Variants in SOD1 observed in about 807,000 individuals in gnomAD.
SOD1 encodes superoxide dismutase [Cu-Zn].
In SOD1, 8 loss-of-function variants were observed where a neutral mutation model predicts 15.9. That is an observed-to-expected ratio of 0.50 (90% CI 0.30 to 0.91). SOD1 has a LOEUF of 0.91. SOD1 is among the 40% of genes least tolerant of loss of function. The pLI, the probability that SOD1 is intolerant of heterozygous loss-of-function variation, is 0.07. For synonymous variants in SOD1, 86 were observed against 71.2 expected, an observed-to-expected ratio of 1.21 and a Z score of -1.04; for missense variants, 137 against 194.5, an observed-to-expected ratio of 0.70 and a Z score of 1.76.
At chr21:31,665,545 T>C (rs1487468249) in intron 2 of SOD1, among the ~76,000 whole-genome samples, 1 of 152,140 alleles carries the variant, frequency 6.6e-6, no homozygotes, top group Non-Finnish European at 1.5e-5. Flanking sequence ...GTGGGACTCC[T>C]GCGGGTGAGA....
At chr21:31,659,925 C>T in intron 1 of SOD1, 84 bp downstream of exon 1, 10 of 1,420,714 alleles carry the variant, frequency 7.0e-6, no homozygotes, top group South Asian at 7.0e-5. Flanking sequence ...GCGGGTCGCC[C>T]GCCAGGCCTC....
At chr21:31,660,702 G>A (rs1167446524) in intron 1 of SOD1, 1 of 152,204 alleles carries the variant, frequency 6.6e-6, no homozygotes, top group Non-Finnish European at 1.5e-5. Context: ...ACCTGTCCTA[G>A]TGCAGGGTGA....
chr21:31,666,365 G>A (rs1158632276), intron 2 of SOD1, 84 bp from the exon 3 acceptor site: 2 of 1,017,860 alleles, frequency 2.0e-6, no homozygotes, highest in Non-Finnish European at 3.0e-6. Flanking sequence ...TTCTCCATGG[G>A]AAGTTTTAGC....
chr21:31,663,745 T>C, intron 1 of SOD1, 45 bp from the exon 2 acceptor site: 3 of 1,454,824 alleles, frequency 2.1e-6, no homozygotes, highest in Non-Finnish European at 2.9e-6. Context: ...AATCAGCTGT[T>C]TTCTTTGTTC....
intron 1 of SOD1, 73 bp downstream of exon 1, chr21:31,659,914 A>T (rs1300927045): frequency 1.6e-5 from 24 of 1,514,198 alleles, no homozygotes; most frequent in Non-Finnish European, 2.0e-5. Context: ...CTTTGCTAGG[A>T]GCGGGTCGCC....
At chr21:31,662,899 C>T (rs2049560454) in intron 1 of SOD1, among the ~76,000 whole-genome samples, 1 of 151,960 alleles carries the variant, frequency 6.6e-6, no homozygotes, top group African/African-American at 2.4e-5. Flanking sequence ...CCTGTAGTCC[C>T]AGCTACTCAG....
chr21:31,662,211 G>T (rs2049554114), intron 1 of SOD1, among the ~76,000 whole-genome samples: 1 of 152,198 alleles, frequency 6.6e-6, no homozygotes, highest in Admixed American at 6.5e-5. Context: ...CTGTGCTCTT[G>T]ATAACAGAGT....
intron 2 of SOD1, chr21:31,664,258 C>A: frequency 3.5e-6 from 1 of 284,442 alleles, no homozygotes; most frequent in Non-Finnish European, 7.0e-6. Context: ...CATGTGTGAG[C>A]CACTGTGCCT....
rs2049623604 is a variant in SOD1 at position 31,668,823 on chromosome 21, C to T, written c.*245C>T. 10 of 480,924 alleles carry T rather than the reference C, an allele frequency of 2.1e-5. No homozygotes were observed. The highest frequency in any genetic ancestry group is 1.9e-4 in the South Asian group (9 of 46,472). 29.8% of individuals were successfully genotyped at this position (480,924 alleles called of 1,614,324 possible). On this transcript the variant is annotated 3_prime_UTR_variant, in exon 5 of 5. Coordinates refer to ENST00000270142, the MANE Select transcript of SOD1 (RefSeq NM_000454.5). ...CCTGTATTTTGCCAGACTTAAATCA[C>T]AGATGGGTATTAAACTTGTCAGAAT... is the stretch of plus-strand genomic sequence containing the variant.
At chr21:31,662,679 C>A (rs1456585788) in intron 1 of SOD1, among the ~76,000 whole-genome samples, 1 of 152,170 alleles carries the variant, frequency 6.6e-6, no homozygotes, top group Non-Finnish European at 1.5e-5. Flanking sequence ...CAGTCCTCTC[C>A]TGGGGGCAGT....
In SOD1 at chr21:31,667,394, A is replaced by G; in HGVS notation, c.357+19A>G. The G allele has an allele frequency of 6.6e-7, 1 of 1,510,918 alleles. No homozygotes were observed. Among genetic ancestry groups the G allele is most frequent in the East Asian group, 2.3e-5 (1 of 44,428 alleles). The allele number at this position is 1,510,918 out of a possible 1,614,324, so 93.6% of individuals were successfully genotyped here. A position where few individuals can be genotyped will look rare whatever the true frequency, so the allele number is the denominator to read the frequency against. ...ACTGGTGGTAAGTTTTCATAAAAGG[A>G]TATGCATAAAACTTCTTCTAACATA... On this transcript the variant is annotated intron_variant, in intron 4 of 4. Coordinates refer to ENST00000270142, the MANE Select transcript of SOD1 (RefSeq NM_000454.5).
intron 1 of SOD1, among the ~76,000 whole-genome samples, chr21:31,662,984 C>T (rs980637004): frequency 4.6e-5 from 7 of 150,726 alleles, no homozygotes; most frequent in African/African-American, 1.5e-4. Flanking sequence ...CACTGCACTC[C>T]AGCCTGGGCG....
At chr21:31,666,830 AATC>A in intron 3 of SOD1, 1 of 428,286 alleles carries the variant, frequency 2.3e-6, no homozygotes, top group South Asian at 2.7e-5. Context: ...TAGCAAAATC[AATC>A]ATCATTGTGA....
intron 1 of SOD1, among the ~76,000 whole-genome samples, chr21:31,661,990 G>T (rs2049552450): frequency 6.6e-6 from 1 of 152,180 alleles, no homozygotes; most frequent in Non-Finnish European, 1.5e-5. Context: ...TTCTCTTGAA[G>T]AATTTTTGGA....
At chr21:31,662,826 A>G (rs1025081660) in intron 1 of SOD1, among the ~76,000 whole-genome samples, 1 of 152,180 alleles carries the variant, frequency 6.6e-6, no homozygotes, top group Non-Finnish European at 1.5e-5. Flanking sequence ...CATCCTGGCT[A>G]ACACGGTGAA....
intron 1 of SOD1, 154 bp downstream of exon 1, chr21:31,659,995 C>A: frequency 1.5e-6 from 1 of 645,764 alleles, no homozygotes; most frequent in South Asian, 2.1e-5. Context: ...TGCCTTCGCC[C>A]CCAGCGGTGC....
At chr21:31,661,310 C>T (rs1056860669) in intron 1 of SOD1, among the ~76,000 whole-genome samples, 4 of 152,154 alleles carry the variant, frequency 2.6e-5, no homozygotes, top group Non-Finnish European at 5.9e-5. Flanking sequence ...TTTGCTGTTT[C>T]ATTTGTCAGA....
At chr21:31,659,957 C>G in intron 1 of SOD1, 116 bp downstream of exon 1, 1 of 999,570 alleles carries the variant, frequency 1.0e-6, no homozygotes, top group Non-Finnish European at 1.5e-6. Context: ...GGTCCAGCGC[C>G]CGGTCCCGGC....
In SOD1 at chr21:31,668,632, C is replaced by CT; in HGVS notation, c.*55dup. On this transcript the variant is annotated 3_prime_UTR_variant, in exon 5 of 5. Coordinates refer to ENST00000270142, the MANE Select transcript of SOD1 (RefSeq NM_000454.5). ...CTTAACTCATCTGTTATCCTGCTAGCTGTAGAAATGTATCCTGATAAACAT... is the reference window on the plus strand; with the variant it reads ...CTTAACTCATCTGTTATCCTGCTAGCTTGTAGAAATGTATCCTGATAAACAT... 1 of 1,243,720 alleles carries CT rather than the reference C, an allele frequency of 8.0e-7. No individual in the cohort carries two copies. Among genetic ancestry groups the CT allele is most frequent in the Non-Finnish European group, 1.2e-6 (1 of 841,952 alleles). 77.0% of individuals were successfully genotyped at this position (1,243,720 alleles called of 1,614,324 possible). A position where few individuals can be genotyped will look rare whatever the true frequency, so the allele number is the denominator to read the frequency against.
Sources: allele counts gnomAD v4.1 joint callset (sites outside exome capture counted in the v4.1 genomes callset), GRCh38; gene constraint gnomAD v4.1.1; transcripts MANE v1.5; gene names NCBI Gene and HGNC (gene_info 2026-07-23, HGNC 2026-07-21).